The following ADAM12 variants were observed in gnomAD, a reference collection of about 807,000 sequenced individuals.
The protein encoded by ADAM12 is ADAM metallopeptidase domain 12.
In ADAM12, 70 loss-of-function variants were observed where a neutral mutation model predicts 106.4. The observed-to-expected ratio is 0.66, with a 90% CI of 0.54 to 0.80. The LOEUF is 0.80. Among genes scored for constraint, ADAM12 ranks in the 30% least tolerant of loss-of-function variants. The pLI, the probability that ADAM12 is intolerant of heterozygous loss-of-function variation, is 0.00. For synonymous variants in ADAM12, 420 were observed against 433.5 expected, an observed-to-expected ratio of 0.97 and a Z score of 0.39; for missense variants, 1,010 against 1,171.9, an observed-to-expected ratio of 0.86 and a Z score of 2.02.
At chr10:126,312,881 G>A (rs772398358) in intron 2 of ADAM12, among the ~76,000 whole-genome samples, 1 of 152,142 alleles carries the variant, frequency 6.6e-6, no homozygotes, top group South Asian at 2.1e-4. Context: ...GAGCCACATC[G>A]CCAAAGCTAA....
At chr10:126,038,969 TTTTTTTTTG>T (rs1954108453) in intron 19 of ADAM12, among the ~76,000 whole-genome samples, 1 of 141,118 alleles carries the variant, frequency 7.1e-6, no homozygotes, top group Admixed American at 7.1e-5. Context: ...TTTTTTTTTT[TTTTTTTTTG>T]AGATGGAGTC....
At chr10:126,325,763 A>G (rs1854279125) in intron 2 of ADAM12, among the ~76,000 whole-genome samples, 1 of 152,164 alleles carries the variant, frequency 6.6e-6, no homozygotes, top group Non-Finnish European at 1.5e-5. Flanking sequence ...TGAAATTGGA[A>G]TTTGGTTCCT....
At chr10:126,130,107 C>G (rs1314157633) in intron 5 of ADAM12, among the ~76,000 whole-genome samples, 1 of 152,164 alleles carries the variant, frequency 6.6e-6, no homozygotes, top group South Asian at 2.1e-4. Flanking sequence ...TAATATGTTT[C>G]TGGAGCACAC....
At chr10:126,311,438 G>A (rs1349594690) in intron 2 of ADAM12, among the ~76,000 whole-genome samples, 2 of 152,106 alleles carry the variant, frequency 1.3e-5, no homozygotes, top group Admixed American at 1.3e-4. Flanking sequence ...TCTGGTCTCT[G>A]CCCCCTGTTC....
At chr10:126,134,125 C>A (rs997085743) in intron 5 of ADAM12, among the ~76,000 whole-genome samples, 2 of 152,214 alleles carry the variant, frequency 1.3e-5, no homozygotes, top group Non-Finnish European at 2.9e-5. Context: ...TGAAGAGAAG[C>A]AAATTCAAAC....
intron 3 of ADAM12, among the ~76,000 whole-genome samples, chr10:126,177,282 A>G (rs1385464186): frequency 6.6e-6 from 1 of 151,958 alleles, no homozygotes; most frequent in Non-Finnish European, 1.5e-5. Context: ...GAGATGAGAA[A>G]CAGGAGATTT....
chr10:126,349,566 C>T (rs1333929613), intron 1 of ADAM12, among the ~76,000 whole-genome samples: 4 of 152,092 alleles, frequency 2.6e-5, no homozygotes, highest in African/African-American at 9.7e-5. Flanking sequence ...TTTTAGTATG[C>T]AGTTGTTATA....
At chr10:126,311,219 A>G (rs538773007) in intron 2 of ADAM12, among the ~76,000 whole-genome samples, 2 of 152,232 alleles carry the variant, frequency 1.3e-5, no homozygotes, top group East Asian at 1.9e-4. Context: ...CGGGCATCCT[A>G]TATTTTATTT....
intron 1 of ADAM12, among the ~76,000 whole-genome samples, chr10:126,342,530 A>AACTGTTTAAATCCTTGCTTC (rs1451566870): frequency 6.6e-6 from 1 of 152,196 alleles, no homozygotes; most frequent in Non-Finnish European, 1.5e-5. Flanking sequence ...CACTGTGCTT[A>AACTGTTTAAATCCTTGCTTC]ACTGTTTAAA....
At chr10:126,221,024 C>G (rs557058527) in intron 3 of ADAM12, among the ~76,000 whole-genome samples, 8 of 152,340 alleles carry the variant, frequency 5.3e-5, no homozygotes, top group African/African-American at 1.9e-4. Context: ...ATGGGCAGTT[C>G]TCAGTCATGG....
chr10:126,020,888 G>A (rs1343258069), intron 21 of ADAM12, among the ~76,000 whole-genome samples: 1 of 151,122 alleles, frequency 6.6e-6, no homozygotes, highest in Non-Finnish European at 1.5e-5. Flanking sequence ...GGCTACGCAG[G>A]AGGCTGAGGC....
intron 3 of ADAM12, among the ~76,000 whole-genome samples, chr10:126,174,978 G>T (rs956759374): frequency 6.6e-6 from 1 of 151,980 alleles, no homozygotes; most frequent in Non-Finnish European, 1.5e-5. Context: ...GGATGGTCTC[G>T]ATCTCCTGAC....
chr10:126,243,478 T>C (rs1474126023), intron 3 of ADAM12, among the ~76,000 whole-genome samples: 1 of 122,408 alleles, frequency 8.2e-6, no homozygotes, highest in Admixed American at 9.2e-5. Context: ...CAACTCTGTG[T>C]GTGTGAGTGT....
chr10:126,208,206 G>A (rs960043938), intron 3 of ADAM12, among the ~76,000 whole-genome samples: 6 of 152,180 alleles, frequency 3.9e-5, no homozygotes, highest in Non-Finnish European at 7.3e-5. Context: ...TTAATGGAGC[G>A]TAGGGTGATT....
At chr10:126,374,262 G>T (rs1034798114) in intron 1 of ADAM12, among the ~76,000 whole-genome samples, 2 of 152,152 alleles carry the variant, frequency 1.3e-5, no homozygotes, top group African/African-American at 2.4e-5. Flanking sequence ...CTAATCCAGG[G>T]TACATAGGAC....
chr10:126,308,451 T>G (rs1960942685), intron 2 of ADAM12, among the ~76,000 whole-genome samples: 1 of 152,180 alleles, frequency 6.6e-6, no homozygotes, highest in Non-Finnish European at 1.5e-5. Context: ...ATATGTAAAT[T>G]TATACTACTT....
intron 3 of ADAM12, among the ~76,000 whole-genome samples, chr10:126,235,686 T>C (rs1414698233): frequency 6.6e-6 from 1 of 152,178 alleles, no homozygotes; most frequent in Non-Finnish European, 1.5e-5. Context: ...CTTTCTGCTC[T>C]CCTCCCACTT....
chr10:126,335,010 C>A (rs1854648704), intron 1 of ADAM12, among the ~76,000 whole-genome samples: 1 of 152,214 alleles, frequency 6.6e-6, no homozygotes, highest in Admixed American at 6.5e-5. Flanking sequence ...GTTAAGGGAG[C>A]TCAAATAAGT....
intron 1 of ADAM12, among the ~76,000 whole-genome samples, chr10:126,383,632 G>T (rs1296749653): frequency 6.6e-6 from 1 of 151,996 alleles, no homozygotes; most frequent in Non-Finnish European, 1.5e-5. Flanking sequence ...ACATTTAAAG[G>T]TTTGACAAGC....
Sources: gnomAD v4.1 joint callset for allele counts (sites outside exome capture counted in the v4.1 genomes callset) on GRCh38, gnomAD v4.1.1 for gene constraint, MANE v1.5 for transcripts, NCBI Gene and HGNC (gene_info 2026-07-23, HGNC 2026-07-21) for gene names.